PCDH15: variants seen among roughly 807,000 people sequenced by gnomAD.
PCDH15 encodes protocadherin-15.
PCDH15 carries 129 observed loss-of-function variants against 178.5 expected under a neutral mutation model. The observed-to-expected ratio is 0.72, with a 90% CI of 0.63 to 0.84. PCDH15 has a LOEUF of 0.84. Ranked by LOEUF, PCDH15 falls within the 40% of genes least tolerant of loss-of-function variation. The pLI, the probability that PCDH15 is intolerant of heterozygous loss-of-function variation, is 0.00. For missense variants in PCDH15, 2,230 were observed against 2,099.9 expected, an observed-to-expected ratio of 1.06 and a Z score of -1.21; for synonymous variants, 800 against 732.0, an observed-to-expected ratio of 1.09 and a Z score of -1.50.
intron 5 of PCDH15, among the ~76,000 whole-genome samples, chr10:54,353,579 T>G (rs1944494439): frequency 6.6e-6 from 1 of 151,254 alleles, no homozygotes. Flanking sequence ...CAAAATTGCT[T>G]AGTTTTGCCT....
chr10:55,502,851 GT>G (rs1840685231), intron 2 of PCDH15, among the ~76,000 whole-genome samples: 1 of 151,384 alleles, frequency 6.6e-6, no homozygotes, highest in Non-Finnish European at 1.5e-5. Context: ...TTTTTTTCGT[GT>G]TTTGAAGAAC....
intron 1 of PCDH15, among the ~76,000 whole-genome samples, chr10:54,720,363 G>T (rs11004489): frequency 0.12 from 18,456 of 151,720 alleles, 1,236 homozygotes; most frequent in African/African-American, 0.17. Context: ...ATAGTCATCA[G>T]AATTTTCAAA....
chr10:54,128,533 T>C (rs2042165975), intron 15 of PCDH15, among the ~76,000 whole-genome samples: 1 of 152,194 alleles, frequency 6.6e-6, no homozygotes. Flanking sequence ...CTGTTTTGTG[T>C]GAATTTCTTT....
At chr10:55,491,546 C>T (rs183968869) in intron 2 of PCDH15, among the ~76,000 whole-genome samples, 1 of 151,546 alleles carries the variant, frequency 6.6e-6, no homozygotes, top group African/African-American at 2.4e-5. Flanking sequence ...TGGCCTCTAG[C>T]TTTTGTGCAA....
chr10:55,355,197 A>G (rs1024194931), intron 2 of PCDH15, among the ~76,000 whole-genome samples: 1 of 152,012 alleles, frequency 6.6e-6, no homozygotes, highest in Non-Finnish European at 1.5e-5. Context: ...ATGATTCTGA[A>G]TAGAGCTGCT....
At chr10:55,177,366 G>A (rs12414214) in intron 1 of PCDH15, among the ~76,000 whole-genome samples, 17,623 of 152,206 alleles carry the variant, frequency 0.12, 1,449 homozygotes, top group Non-Finnish European at 0.17. Flanking sequence ...GGCATCAGCC[G>A]TTAGTCTTCC....
intron 2 of PCDH15, among the ~76,000 whole-genome samples, chr10:54,972,265 C>T (rs756545148): frequency 1.3e-5 from 2 of 152,154 alleles, no homozygotes; most frequent in Admixed American, 6.5e-5. Context: ...CTTGGCTGGG[C>T]GTGGTGGCTC....
chr10:55,325,068 G>A (rs1565010240), intron 2 of PCDH15, among the ~76,000 whole-genome samples: 1 of 151,930 alleles, frequency 6.6e-6, no homozygotes, highest in Non-Finnish European at 1.5e-5. Context: ...AAAAAAATAG[G>A]AAATGACACA....
At chr10:55,199,155 G>A (rs983404539) in intron 1 of PCDH15, among the ~76,000 whole-genome samples, 5 of 152,064 alleles carry the variant, frequency 3.3e-5, no homozygotes, top group African/African-American at 1.2e-4. Context: ...AGAAAGTTTG[G>A]AACTTCCTAA....
intron 1 of PCDH15, among the ~76,000 whole-genome samples, chr10:54,668,865 AGTGAGCT>A (rs2094612714): frequency 6.6e-6 from 1 of 152,192 alleles, no homozygotes; most frequent in African/African-American, 2.4e-5. Flanking sequence ...CTCACAGTGA[AGTGAGCT>A]GTATGTATGC....
intron 1 of PCDH15, among the ~76,000 whole-genome samples, chr10:54,672,813 G>C (rs893662584): frequency 2.0e-5 from 3 of 151,586 alleles, no homozygotes; most frequent in Non-Finnish European, 4.4e-5. Flanking sequence ...TTCTTATATT[G>C]AACAAATTTT....
At chr10:55,240,388 T>G (rs1386216796) in intron 1 of PCDH15, among the ~76,000 whole-genome samples, 1 of 152,166 alleles carries the variant, frequency 6.6e-6, no homozygotes, top group Non-Finnish European at 1.5e-5. Context: ...ACCAACAAAA[T>G]TATTGTCCAT....
intron 14 of PCDH15, among the ~76,000 whole-genome samples, chr10:54,151,939 T>C (rs548187340): frequency 2.9e-4 from 44 of 152,274 alleles, no homozygotes; most frequent in Admixed American, 7.2e-4. Flanking sequence ...ATTAAAATTG[T>C]GTGGTAATAG....
chr10:55,362,853 A>C (rs1035798489), intron 2 of PCDH15, among the ~76,000 whole-genome samples: 5 of 152,178 alleles, frequency 3.3e-5, no homozygotes, highest in Non-Finnish European at 7.4e-5. Context: ...TGGTCATTTC[A>C]AGAAGATCAC....
At chr10:54,932,817 G>A (rs1186301245) in intron 2 of PCDH15, among the ~76,000 whole-genome samples, 1 of 152,084 alleles carries the variant, frequency 6.6e-6, no homozygotes, top group African/African-American at 2.4e-5. Context: ...GATTACAGAT[G>A]TGAGCCACTG....
At chr10:54,282,550 G>C (rs1187017745) in intron 8 of PCDH15, among the ~76,000 whole-genome samples, 2 of 151,910 alleles carry the variant, frequency 1.3e-5, no homozygotes, top group South Asian at 2.1e-4. Flanking sequence ...ACAGTATAAT[G>C]CTTCTCTACA....
chr10:55,242,353 G>C (rs934465536), intron 1 of PCDH15, among the ~76,000 whole-genome samples: 7 of 152,068 alleles, frequency 4.6e-5, no homozygotes, highest in East Asian at 1.9e-4. Context: ...ATTTAAATTG[G>C]ATATAAATAG....
At chr10:54,235,654 A>C (rs939751529) in intron 9 of PCDH15, among the ~76,000 whole-genome samples, 53 of 152,042 alleles carry the variant, frequency 3.5e-4, no homozygotes, top group African/African-American at 1.3e-3. Flanking sequence ...ATTGTATTTT[A>C]ATTTATCTTT....
chr10:54,779,528 A>T (rs893506379), intron 1 of PCDH15, among the ~76,000 whole-genome samples: 9 of 142,322 alleles, frequency 6.3e-5, no homozygotes, highest in Non-Finnish European at 1.4e-4. Context: ...ATATATATAC[A>T]CACACATATA....
Sources: gnomAD v4.1 joint callset for allele counts (sites outside exome capture counted in the v4.1 genomes callset) on GRCh38, gnomAD v4.1.1 for gene constraint, MANE v1.5 for transcripts, NCBI Gene and HGNC (gene_info 2026-07-23, HGNC 2026-07-21) for gene names.